The following ATP6V0A2 variants were observed in gnomAD, a reference collection of about 807,000 sequenced individuals.
The protein encoded by ATP6V0A2 is ATPase H+ transporting V0 subunit a2, also known as V-type proton ATPase 116 kDa subunit a 2.
In ATP6V0A2, 58 loss-of-function variants were observed where a neutral mutation model predicts 104.4. The observed-to-expected ratio is 0.56, with a 90% CI of 0.45 to 0.69. The LOEUF (loss-of-function observed/expected upper bound fraction) is 0.69, where lower values mean the gene tolerates loss of function less well. ATP6V0A2 is among the 30% of genes least tolerant of loss of function. The pLI, the probability that ATP6V0A2 is intolerant of heterozygous loss-of-function variation, is 0.00. For missense variants in ATP6V0A2, 938 were observed against 1,062.9 expected (o/e 0.88, Z 1.63); for synonymous variants, 376 against 397.9 (o/e 0.95, Z 0.65).
At chr12:123,721,715 C>A in intron 2 of ATP6V0A2, 1 of 161,960 alleles carries the variant, frequency 6.2e-6, no homozygotes, top group East Asian at 1.6e-4. Context: ...GCTTCTGAAT[C>A]TAGTTTTTAA....
chr12:123,741,390 TA>T (rs74412593), intron 9 of ATP6V0A2, among the ~76,000 whole-genome samples: 72 of 146,966 alleles, frequency 4.9e-4, no homozygotes, highest in Non-Finnish European at 5.1e-4. Flanking sequence ...GGCGGAGGTT[TA>T]AAAAAAAAAA....
At chr12:123,754,108 A>G (rs1294216283) in intron 17 of ATP6V0A2, 5 of 518,192 alleles carry the variant, frequency 9.6e-6, no homozygotes, top group South Asian at 5.6e-5. Context: ...TCCCATTAGT[A>G]TAGCAGCTGT....
intron 9 of ATP6V0A2, among the ~76,000 whole-genome samples, chr12:123,738,613 A>T (rs913014298): frequency 1.3e-5 from 2 of 152,154 alleles, no homozygotes; most frequent in African/African-American, 4.8e-5. Context: ...GCCATGCAGA[A>T]GTTTTTTGTT....
intron 9 of ATP6V0A2, among the ~76,000 whole-genome samples, chr12:123,739,824 G>A (rs905762492): frequency 6.6e-6 from 1 of 152,110 alleles, no homozygotes; most frequent in Non-Finnish European, 1.5e-5. Flanking sequence ...CCTCCATCTT[G>A]TTCTGGCACC....
chr12:123,756,307 C>CTTTT (rs35956646), intron 18 of ATP6V0A2: 1 of 115,608 alleles, frequency 8.6e-6, no homozygotes, highest in Non-Finnish European at 1.8e-5. Flanking sequence ...AAGAGGGTGT[C>CTTTT]TTTTTTTTTT....
At chr12:123,750,978 A>G (rs1162642560) in intron 15 of ATP6V0A2, 132 bp from the exon 16 acceptor site, 3 of 1,248,794 alleles carry the variant, frequency 2.4e-6, no homozygotes. Context: ...TGGCAAGTGT[A>G]GCTGGCTGGC....
At position 123,737,245 on chromosome 12, in the gene ATP6V0A2, C is replaced by G; in HGVS notation, c.1012C>G (p.Leu338Val). Residue 338 changes from leucine to valine, a missense_variant, in exon 9 of 20, where the codon CTG becomes GTG. Physicochemically the swap from Leu to Val is conservative, Grantham distance 32. Transcript: ENST00000330342. The part of the protein sequence containing the change: ...VWCPEADLQD[L>V]RRALEEGSRE... ...GTGTCCCGAGGCGGATCTGCAGGAC[C>G]TGCGCCGGGCACTGGAGGAGGGCTC... 2 of 1,614,154 alleles carry G rather than the reference C, an allele frequency of 1.2e-6. No homozygotes were observed. Among genetic ancestry groups the G allele is most frequent in the Non-Finnish European group, 8.5e-7 (1 of 1,180,032 alleles).
chr12:123,753,115 C>T (rs998321661), intron 17 of ATP6V0A2, among the ~76,000 whole-genome samples: 1 of 149,518 alleles, frequency 6.7e-6, no homozygotes, highest in Admixed American at 6.7e-5. Flanking sequence ...TCCCCTGGAC[C>T]GGTGTCTGCT....
At chr12:123,750,423 G>A (rs1270625159) in intron 15 of ATP6V0A2, 3 of 154,512 alleles carry the variant, frequency 1.9e-5, no homozygotes, top group South Asian at 2.0e-4. Flanking sequence ...TGTTGATGGT[G>A]TGTAGATAAT....
chr12:123,730,277 G>C (rs866731026), intron 6 of ATP6V0A2, among the ~76,000 whole-genome samples: 5 of 151,784 alleles, frequency 3.3e-5, no homozygotes, highest in African/African-American at 1.2e-4. Flanking sequence ...GGATGGTCTC[G>C]ATCTCCTGAC....
chr12:123,714,481 A>T (rs944360074), intron 1 of ATP6V0A2, among the ~76,000 whole-genome samples: 1 of 152,176 alleles, frequency 6.6e-6, no homozygotes, highest in African/African-American at 2.4e-5. Context: ...AGTGGGAAGT[A>T]CCTGGAAAAG....
chr12:123,724,296 G>A (rs1294411234), intron 3 of ATP6V0A2: 2 of 202,432 alleles, frequency 9.9e-6, no homozygotes, highest in Non-Finnish European at 1.0e-5. Flanking sequence ...GGCCGAGGCG[G>A]GTGGATTACC....
chr12:123,744,477 G>A lies in ATP6V0A2; in HGVS notation c.1327-120G>A, dbSNP rs897587619. 5 of 1,550,420 alleles carry A rather than the reference G, an allele frequency of 3.2e-6. No individual in the cohort carries two copies. The African/African-American group carries it at 6.8e-5, about 21-fold the overall frequency. ...TGGCCTGTCAGCTGCGGCTGACAGG[G>A]ATGTCTGCGGGGCGAGGCTGTTTTC... On this transcript the variant is annotated intron_variant, in intron 11 of 19. Coordinates refer to ENST00000330342, the MANE Select transcript of ATP6V0A2 (RefSeq NM_012463.4). The surrounding 1 kb of genome is among the most constrained non-coding windows in gnomAD (Gnocchi z 5.4).
chr12:123,738,366 C>T (rs1468877717), intron 9 of ATP6V0A2, among the ~76,000 whole-genome samples: 5 of 151,446 alleles, frequency 3.3e-5, no homozygotes, highest in Non-Finnish European at 7.4e-5. Context: ...TGCACTGCAG[C>T]CTGGGCAACA....
chr12:123,713,651 T>C (rs1447938069), intron 1 of ATP6V0A2, among the ~76,000 whole-genome samples: 7 of 151,976 alleles, frequency 4.6e-5, no homozygotes, highest in Non-Finnish European at 7.4e-5. Context: ...AGGAGACAGA[T>C]TAAACACACT....
In ATP6V0A2 at chr12:123,712,553, G is replaced by C. The variant is rs776005053; in HGVS notation, c.-13G>C. 6.4e-7 allele frequency: 1 copy of C among 1,567,664 alleles called. No individual in the cohort carries two copies. The highest frequency in any genetic ancestry group is 1.4e-5 in the African/African-American group (1 of 73,638). ...CCGCCCATCGAGCCCCTCCGGGCGC[G>C]GGTCGGCCCGCCATGGGGTCCCTGT... On this transcript the variant is annotated 5_prime_UTR_variant, in exon 1 of 20. Coordinates refer to ENST00000330342, the MANE Select transcript of ATP6V0A2 (RefSeq NM_012463.4).
At chr12:123,720,938 G>C (rs1956393337) in intron 2 of ATP6V0A2, among the ~76,000 whole-genome samples, 1 of 151,776 alleles carries the variant, frequency 6.6e-6, no homozygotes, top group African/African-American at 2.4e-5. Context: ...AAACCTCTTA[G>C]ACCCAGTGCT....
In ATP6V0A2 at chr12:123,752,455, T is replaced by G. The variant is rs955708768; in HGVS notation, c.2175+53T>G. 30 of 1,599,834 alleles carry G rather than the reference T, an allele frequency of 1.9e-5. 1 individual carries two copies. Among genetic ancestry groups the G allele is most frequent in the South Asian group, 9.9e-5 (9 of 90,706 alleles). ...ACTTAGATAAGTAACCAAGCTTCCA[T>G]AGAGATAATCATGTTAAGATAATAT... On this transcript the variant is annotated intron_variant, in intron 17 of 19. Coordinates refer to ENST00000330342, the MANE Select transcript of ATP6V0A2 (RefSeq NM_012463.4).
At chr12:123,757,250 G>A (rs546128793) in intron 19 of ATP6V0A2, among the ~76,000 whole-genome samples, 36 of 152,212 alleles carry the variant, frequency 2.4e-4, no homozygotes, top group African/African-American at 8.0e-4. Flanking sequence ...AGACCAGCCT[G>A]GACAACATGA....
Sources: allele counts gnomAD v4.1 joint callset (sites outside exome capture counted in the v4.1 genomes callset), GRCh38; gene constraint gnomAD v4.1.1; non-coding constraint Gnocchi (gnomAD v3.1); transcripts MANE v1.5; gene names NCBI Gene and HGNC (gene_info 2026-07-23, HGNC 2026-07-21).